The following PMS1 variants were observed in gnomAD, a reference collection of about 807,000 sequenced individuals.
The protein encoded by PMS1 is PMS1 protein homolog 1.
Under a neutral mutation model 93.1 loss-of-function variants are expected in PMS1, and 79 were observed. The observed-to-expected ratio is 0.85, with a 90% CI of 0.71 to 1.02. The LOEUF (loss-of-function observed/expected upper bound fraction) is 1.02, where lower values mean the gene tolerates loss of function less well. Among genes scored for constraint, PMS1 ranks in the 50% least tolerant of loss-of-function variants. PMS1 has a pLI of 0.00. For missense variants in PMS1, 1,064 were observed against 1,085.3 expected (o/e 0.98, Z 0.28); for synonymous variants, 335 against 363.4 (o/e 0.92, Z 0.89).
At chr2:189,847,458 T>C (rs1432276911) in intron 6 of PMS1, among the ~76,000 whole-genome samples, 4 of 149,664 alleles carry the variant, frequency 2.7e-5, no homozygotes, top group African/African-American at 1.0e-4. Flanking sequence ...TTTTAAACTG[T>C]CTATGGATTT....
intron 11 of PMS1, among the ~76,000 whole-genome samples, chr2:189,869,922 C>T (rs1032690055): frequency 6.6e-6 from 1 of 151,762 alleles, no homozygotes; most frequent in South Asian, 2.1e-4. Flanking sequence ...TTTTAACTAC[C>T]CAGTAAGTTT....
At chr2:189,874,138 A>C (rs2057373158) in intron 12 of PMS1, among the ~76,000 whole-genome samples, 2 of 152,224 alleles carry the variant, frequency 1.3e-5, no homozygotes, top group Admixed American at 1.3e-4. Flanking sequence ...GTTTCACATC[A>C]TAGACTGACT....
At chr2:189,810,901 G>A (rs1208623177) in intron 4 of PMS1, among the ~76,000 whole-genome samples, 1 of 150,632 alleles carries the variant, frequency 6.6e-6, no homozygotes, top group African/African-American at 2.4e-5. Flanking sequence ...GACTTGAGGA[G>A]AGGAAAATGG....
chr2:189,839,724 CTT>C, intron 5 of PMS1, among the ~76,000 whole-genome samples: 1 of 152,186 alleles, frequency 6.6e-6, no homozygotes. Context: ...TAAGATTTTG[CTT>C]TCTTTTTATA....
At chr2:189,824,690 A>G (rs1227014838) in intron 5 of PMS1, among the ~76,000 whole-genome samples, 1 of 152,210 alleles carries the variant, frequency 6.6e-6, no homozygotes, top group African/African-American at 2.4e-5. Flanking sequence ...AAAGTTTTTA[A>G]AAGTCTTTTT....
At chr2:189,832,472 T>C (rs983996858) in intron 5 of PMS1, among the ~76,000 whole-genome samples, 2 of 150,622 alleles carry the variant, frequency 1.3e-5, no homozygotes, top group Non-Finnish European at 3.0e-5. Context: ...AGGGTTTTCT[T>C]TTTTTTTTAT....
chr2:189,793,089 C>T (rs1182377397), intron 2 of PMS1, among the ~76,000 whole-genome samples: 8 of 152,106 alleles, frequency 5.3e-5, no homozygotes, highest in Non-Finnish European at 1.2e-4. Context: ...GGATTACAGG[C>T]GTGAGCCACT....
rs746026589 is a variant in PMS1 at position 189,786,390 on chromosome 2, G to T, written c.-21+1797G>T. On this transcript the variant is annotated intron_variant, in intron 1 of 12. Transcript: ENST00000441310. ...TGCAGTAGTTCAGGAGAGAAAGGCC[G>T]AATGGAGGCAGTACAAAGAGGAGAG... 1.3e-5 allele frequency among the ~76,000 whole-genome samples: 2 copies of T among 152,148 alleles called. 1 individual carries two copies. The highest frequency in any genetic ancestry group is 1.3e-4 in the Admixed American group (2 of 15,268).
At position 189,791,894 on chromosome 2, in the gene PMS1, A is replaced by T. The variant is rs1162761263; in HGVS notation, c.85A>T (p.Ile29Phe). The T allele has an allele frequency of 6.2e-7, 1 of 1,614,052 alleles. No homozygotes were observed. The highest frequency in any genetic ancestry group is 8.5e-7 in the Non-Finnish European group (1 of 1,179,900). Residue 29 changes from isoleucine to phenylalanine, a missense_variant, in exon 2 of 13, where the codon ATT (isoleucine) becomes TTT (phenylalanine). Transcript: ENST00000441310. ...GGTGGTCAGTGTTGTAAAAGAGCTTATTGAAAACTCCTTGGATGCTGGTGC... is the reference window on the plus strand; with the variant it reads ...GGTGGTCAGTGTTGTAAAAGAGCTTTTTGAAAACTCCTTGGATGCTGGTGC... ...TSVVSVVKEL[I>F]ENSLDAGATS...
chr2:189,863,816 CA>C lies in PMS1; in HGVS notation c.1933del (p.Met645CysfsTer3). On this transcript the variant is annotated frameshift_variant, in exon 10 of 13. Transcript: ENST00000441310. LOFTEE classifies it high-confidence loss of function. The stretch of plus-strand genomic sequence containing the variant: ...GAAGAGAGCCATTGAACAGGAGTCA[CA>C]AATGTCACTAAAAGATGGCAGAAAA... ...QMKRAIEQES[Q>X]MSLKDGRKKI... 6.2e-7 allele frequency: 1 copy of C among 1,613,744 alleles called. No homozygotes were observed. The highest frequency in any genetic ancestry group is 8.5e-7 in the Non-Finnish European group (1 of 1,179,780).
chr2:189,807,936 A>C (rs779925393), intron 4 of PMS1, among the ~76,000 whole-genome samples: 7 of 152,174 alleles, frequency 4.6e-5, no homozygotes, highest in African/African-American at 7.2e-5. Context: ...CAGAAAGTTA[A>C]AGTCTTAATT....
intron 2 of PMS1, among the ~76,000 whole-genome samples, chr2:189,792,715 A>G (rs917287544): frequency 1.4e-5 from 2 of 143,070 alleles, no homozygotes; most frequent in African/African-American, 5.2e-5. Context: ...ATATATATAT[A>G]TATATGTAAA....
At chr2:189,828,394 T>G (rs1001824889) in intron 5 of PMS1, among the ~76,000 whole-genome samples, 1 of 152,226 alleles carries the variant, frequency 6.6e-6, no homozygotes, top group Non-Finnish European at 1.5e-5. Flanking sequence ...TTGTATTATG[T>G]ATACATGCAT....
At chr2:189,830,212 C>T (rs1406420671) in intron 5 of PMS1, among the ~76,000 whole-genome samples, 1 of 152,142 alleles carries the variant, frequency 6.6e-6, no homozygotes, top group African/African-American at 2.4e-5. Flanking sequence ...TTTACAAAAA[C>T]AGGAAGGCCA....
Position 189,854,655 on chromosome 2 carries a change from C to T in PMS1, c.1383C>T (p.Ser461=), listed in dbSNP as rs747621119. The change falls in exon 9 of 13, where the codon TCC becomes TCT. Residue 461 remains serine, a synonymous_variant. Transcript: ENST00000441310. ...TEYSKTCFIS[S]VKHTQSENGN... ...ATAGTAAAACTTGTTTTATAAGTTC[C>T]GTTAAGCACACCCAGTCAGAAAATG... The T allele has an allele frequency of 2.9e-5, 46 of 1,613,608 alleles. No individual in the cohort carries two copies. Among genetic ancestry groups the T allele is most frequent in the Middle Eastern group, 1.6e-4 (1 of 6,080 alleles).
rs1226565707 is a variant in PMS1, at chr2:189,852,571, TTTTTATACC to T, written c.700-80_700-72del. On this transcript the variant is annotated intron_variant, in intron 6 of 12. Coordinates refer to ENST00000441310, the MANE Select transcript of PMS1 (RefSeq NM_000534.5). ...TAAGATGAAAATCTGTTTTTTAATT[TTTTTATACC>T]TTTCAAAGTGTTATATATAGCCAGA... 7.4e-6 allele frequency: 9 copies of T among 1,221,768 alleles called. No individual in the cohort carries two copies. The Admixed American group carries it at 1.1e-4, about 16-fold the overall frequency. 75.7% of individuals were successfully genotyped at this position (1,221,768 alleles called of 1,614,324 possible).
At chr2:189,821,574 C>A (rs1367799436) in intron 5 of PMS1, among the ~76,000 whole-genome samples, 2 of 151,838 alleles carry the variant, frequency 1.3e-5, no homozygotes, top group East Asian at 3.9e-4. Context: ...CTTGGGAGGC[C>A]GAGGTGGGTG....
At chr2:189,791,615 CAA>C (rs1197953377) in intron 1 of PMS1, 173 bp from the exon 2 acceptor site, 1,874 of 399,312 alleles carry the variant, frequency 4.7e-3, no homozygotes, top group East Asian at 6.5e-3. Flanking sequence ...ATTTCATCTC[CAA>C]AAAAAAAAAA....
rs142822407 is a variant in PMS1 at position 189,810,998 on chromosome 2, T to C, written c.418+5244T>C. ...TAACAGACAAAAAAAAAAAAACTTATGTTAAAGAATTTAGAAGAAAAGATG... is the reference window on the plus strand; with the variant it reads ...TAACAGACAAAAAAAAAAAAACTTACGTTAAAGAATTTAGAAGAAAAGATG... On this transcript the variant is annotated intron_variant, in intron 4 of 12. Coordinates refer to ENST00000441310, the MANE Select transcript of PMS1 (RefSeq NM_000534.5). Among the ~76,000 whole-genome samples, 539 of 149,700 alleles carry C rather than the reference T, an allele frequency of 3.6e-3. 2 individuals carry two copies. Among genetic ancestry groups the C allele is most frequent in the Non-Finnish European group, 5.2e-3 (350 of 67,546 alleles).
Sources: allele counts gnomAD v4.1 joint callset (sites outside exome capture counted in the v4.1 genomes callset), GRCh38; gene constraint gnomAD v4.1.1; transcripts MANE v1.5; gene names NCBI Gene and HGNC (gene_info 2026-07-23, HGNC 2026-07-21).